CACNA1I: variants seen among roughly 807,000 people sequenced by gnomAD.
CACNA1I encodes the protein calcium voltage-gated channel subunit alpha1 I.
CACNA1I carries 74 observed loss-of-function variants against 201.6 expected under a neutral mutation model. That is an observed-to-expected ratio of 0.37 (90% CI 0.30 to 0.45). CACNA1I has a LOEUF of 0.45. CACNA1I is among the 20% of genes least tolerant of loss of function. The pLI, the probability that CACNA1I is intolerant of heterozygous loss-of-function variation, is 1.00. For synonymous variants in CACNA1I, 1,431 were observed against 1,345.2 expected, an observed-to-expected ratio of 1.06 and a Z score of -1.40; for missense variants, 2,346 against 3,138.1, an observed-to-expected ratio of 0.75 and a Z score of 6.03.
In CACNA1I at chr22:39,661,127, C is replaced by T. The variant is rs1309357218; in HGVS notation, c.2718C>T (p.Ile906=). 1.9e-6 allele frequency: 3 copies of T among 1,613,386 alleles called. No homozygotes were observed. The highest frequency in any genetic ancestry group is 1.7e-5 in the Admixed American group (1 of 59,994). Reference sequence around the variant, plus strand: ...CTCCAGATCCCAAGCTCTGCCCAATCCCCATGACCCCCAATGGGCACCTGG... The same window carrying T: ...CTCCAGATCCCAAGCTCTGCCCAATTCCCATGACCCCCAATGGGCACCTGG... ...DSSGDPKLCP[I]PMTPNGHLDP... is the part of the protein sequence containing the mutation. Residue 906 remains isoleucine (I), a synonymous_variant, in exon 16 of 37, where the codon ATC becomes ATT. Transcript: ENST00000402142.
At chr22:39,604,136 G>T (rs1327364175) in intron 3 of CACNA1I, among the ~76,000 whole-genome samples, 1 of 152,188 alleles carries the variant, frequency 6.6e-6, no homozygotes, top group Non-Finnish European at 1.5e-5. Flanking sequence ...TTTCAGGGAA[G>T]TCATTTGTTC....
chr22:39,667,516 T>G (rs1935234525), intron 23 of CACNA1I, among the ~76,000 whole-genome samples: 1 of 152,166 alleles, frequency 6.6e-6, no homozygotes. Flanking sequence ...TAACTACTGG[T>G]GCAAAGATGG....
At chr22:39,582,825 C>T (rs1174210238) in intron 1 of CACNA1I, among the ~76,000 whole-genome samples, 2 of 148,706 alleles carry the variant, frequency 1.3e-5, no homozygotes, top group African/African-American at 5.0e-5. Flanking sequence ...TACTCCCCAC[C>T]CACCCTTCTT....
rs193037824 is a variant in CACNA1I, at chr22:39,662,737, G to A, written c.3373-39G>A. On this transcript the variant is annotated intron_variant, in intron 17 of 36. Coordinates refer to ENST00000402142, the MANE Select transcript of CACNA1I (RefSeq NM_021096.4). ...CATGGGCGGAGACCGGCAACCCTGC[G>A]CATCGCTGACCCCCGGCGCTCCGTC... 2.2e-3 allele frequency: 3,152 copies of A among 1,407,220 alleles called. 11 individuals carry two copies. The highest frequency in any genetic ancestry group is 2.6e-3 in the Non-Finnish European group (2,653 of 1,017,736). The allele number at this position is 1,407,220 out of a possible 1,614,324, so 87.2% of individuals were successfully genotyped here.
rs1056942419 is a variant in CACNA1I, at chr22:39,629,752, C to G, written c.581-4813C>G. Among the ~76,000 whole-genome samples, 4 of 152,126 alleles carry G rather than the reference C, an allele frequency of 2.6e-5. No individual in the cohort carries two copies. Among genetic ancestry groups the G allele is most frequent in the Admixed American group, 2.6e-4 (4 of 15,282 alleles). Reference sequence around the variant, plus strand: ...GGCAGCGACCACACAGCTGTGGAGCCCACAGGCCTGACCCCCTTTCAGAGA... The same window carrying G: ...GGCAGCGACCACACAGCTGTGGAGCGCACAGGCCTGACCCCCTTTCAGAGA... On this transcript the variant is annotated intron_variant, in intron 4 of 36. Transcript: ENST00000402142. This position sits in a 1 kb window ranked among gnomAD's most constrained non-coding sequence, Gnocchi z 4.8.
Position 39,629,581 on chromosome 22 carries a change from C to G in CACNA1I, c.581-4984C>G, listed in dbSNP as rs550018066. On this transcript the variant is annotated intron_variant, in intron 4 of 36. Transcript: ENST00000402142. The surrounding 1 kb of genome is among the most constrained non-coding windows in gnomAD (Gnocchi z 4.8). ...GGAGAGGAGCAGGGGGACGGAAGGC[C>G]CAATCATCAGGCCGTGAGGGTGGTG... Among the ~76,000 whole-genome samples, 1 of 152,042 alleles carries G rather than the reference C, an allele frequency of 6.6e-6. No individual in the cohort carries two copies. Among genetic ancestry groups the G allele is most frequent in the Admixed American group, 6.5e-5 (1 of 15,284 alleles).
intron 8 of CACNA1I, among the ~76,000 whole-genome samples, chr22:39,647,283 G>A (rs1934520471): frequency 1.3e-5 from 2 of 152,192 alleles, no homozygotes; most frequent in Non-Finnish European, 2.9e-5. Flanking sequence ...GCTGTCCCCT[G>A]CTTTCCAGCA....
intron 3 of CACNA1I, among the ~76,000 whole-genome samples, chr22:39,616,068 C>T (rs1933527044): frequency 6.6e-6 from 1 of 152,208 alleles, no homozygotes. Context: ...TTGCCGCAGA[C>T]ATAGACTGCA....
chr22:39,574,237 G>C (rs1248533564), intron 1 of CACNA1I, among the ~76,000 whole-genome samples: 1 of 152,242 alleles, frequency 6.6e-6, no homozygotes, highest in Non-Finnish European at 1.5e-5. Flanking sequence ...GTTTCAAAGA[G>C]TGTGTGAGCC....
rs1252069089 is a variant in CACNA1I, at chr22:39,570,870, G to A, written c.118G>A (p.Glu40Lys). Reference sequence around the variant, plus strand: ...CCCATCCTCCCCGCCAGGCCTGGAGGAGCCTCTGGATGGAGCTGATCCTCA... The same window carrying A: ...CCCATCCTCCCCGCCAGGCCTGGAGAAGCCTCTGGATGGAGCTGATCCTCA... Reference protein sequence around the residue: ...SPPSSPPGLEEPLDGADPHVP... With the variant: ...SPPSSPPGLEKPLDGADPHVP... The change falls in exon 1 of 37, where the codon GAG (glutamate) becomes AAG (lysine). Residue 40 changes from glutamate (E) to lysine (K), a missense_variant. Physicochemically the swap from Glu to Lys is moderately conservative, Grantham distance 56 (BLOSUM62 1). Transcript: ENST00000402142. 2 of 1,613,636 alleles carry A rather than the reference G, an allele frequency of 1.2e-6. No individual in the cohort carries two copies. Among genetic ancestry groups the A allele is most frequent in the African/African-American group, 1.3e-5 (1 of 74,906 alleles).
rs1935946666 is a variant in CACNA1I, at chr22:39,688,403, G to A, written c.*1998G>A. ...CAGAGGTGGTTTTATGTGGAACGAG[G>A]TACCTTGTCTGGGGAAGAAGTGGAG... On this transcript the variant is annotated 3_prime_UTR_variant, in exon 37 of 37. Transcript: ENST00000402142. This position sits in a 1 kb window ranked among gnomAD's most constrained non-coding sequence, Gnocchi z 4.8. 6.6e-6 allele frequency: 1 copy of A among 152,252 alleles called. No homozygotes were observed. The highest frequency in any genetic ancestry group is 1.5e-5 in the Non-Finnish European group (1 of 68,066). The allele number at this position is 152,252 out of a possible 1,614,324, so 9.4% of individuals were successfully genotyped here.
At chr22:39,571,510 T>C (rs1372860445) in intron 1 of CACNA1I, among the ~76,000 whole-genome samples, 1 of 152,190 alleles carries the variant, frequency 6.6e-6, no homozygotes, top group Non-Finnish European at 1.5e-5. Flanking sequence ...CTTAAGACTG[T>C]CATGATTTGC....
At chr22:39,612,092 T>C (rs1282986132) in intron 3 of CACNA1I, among the ~76,000 whole-genome samples, 1 of 152,194 alleles carries the variant, frequency 6.6e-6, no homozygotes, top group Admixed American at 6.5e-5. Flanking sequence ...GACCAGGTCA[T>C]GAGGACTCAG....
chr22:39,591,798 G>A (rs757851562), intron 1 of CACNA1I, among the ~76,000 whole-genome samples: 2 of 152,232 alleles, frequency 1.3e-5, no homozygotes, highest in Non-Finnish European at 2.9e-5. Flanking sequence ...GACCTCAGGT[G>A]ATCTGCCCGC....
At chr22:39,669,280 G>A (rs1935292245) in intron 24 of CACNA1I, among the ~76,000 whole-genome samples, 1 of 152,216 alleles carries the variant, frequency 6.6e-6, no homozygotes, top group East Asian at 1.9e-4. Flanking sequence ...GGACGTGGGG[G>A]TGGCAGTATT....
intron 4 of CACNA1I, among the ~76,000 whole-genome samples, chr22:39,626,435 G>T (rs1336607717): frequency 6.6e-6 from 1 of 152,156 alleles, no homozygotes; most frequent in Non-Finnish European, 1.5e-5. Flanking sequence ...ATCAGCTGAG[G>T]GTTGGAGAGG....
rs1569065728 is a variant in CACNA1I, at chr22:39,620,269, ATCCATC to A, written c.580+863_580+868del. Among the ~76,000 whole-genome samples, 230 of 136,184 alleles carry A rather than the reference ATCCATC, an allele frequency of 1.7e-3. 1 individual carries two copies. The highest frequency in any genetic ancestry group is 4.5e-3 in the African/African-American group (165 of 36,632). The allele number at this position is 136,184 out of a possible 152,430, so 89.3% of individuals were successfully genotyped here. On this transcript the variant is annotated intron_variant, in intron 4 of 36. Transcript: ENST00000402142. ...CATCCATCCATCCATCCATCCATCC[ATCCATC>A]CATACGTACATACATACATCTGCTC... is the stretch of plus-strand genomic sequence containing the variant.
At chr22:39,605,154 G>A (rs571967977) in intron 3 of CACNA1I, among the ~76,000 whole-genome samples, 6 of 137,150 alleles carry the variant, frequency 4.4e-5, no homozygotes, top group East Asian at 2.4e-4. Context: ...CCGAGTAACC[G>A]GCCTATTTGC....
intron 2 of CACNA1I, among the ~76,000 whole-genome samples, chr22:39,600,237 C>T (rs1344772977): frequency 6.6e-6 from 1 of 152,152 alleles, no homozygotes; most frequent in African/African-American, 2.4e-5. Context: ...CCACCCCCAC[C>T]TGGGGCTCTT....
Sources: gnomAD v4.1 joint callset for allele counts (sites outside exome capture counted in the v4.1 genomes callset) on GRCh38, gnomAD v4.1.1 for gene constraint, Gnocchi (gnomAD v3.1) non-coding constraint, MANE v1.5 for transcripts, NCBI Gene and HGNC (gene_info 2026-07-23, HGNC 2026-07-21) for gene names.